Variants in AADAT observed in about 807,000 individuals in gnomAD.
The protein encoded by AADAT is aminoadipate aminotransferase.
AADAT carries 25 observed loss-of-function variants against 56.2 expected under a neutral mutation model. The observed-to-expected ratio is 0.44, with a 90% confidence interval of 0.32 to 0.62. The LOEUF (loss-of-function observed/expected upper bound fraction) is 0.62. Among genes scored for constraint, AADAT ranks in the 20% least tolerant of loss-of-function variants. The pLI is 0.04. For missense variants in AADAT, 387 were observed against 510.5 expected, an observed-to-expected ratio of 0.76 and a Z score of 2.33; for synonymous variants, 173 against 164.7, an observed-to-expected ratio of 1.05 and a Z score of -0.39.
upstream of AADAT, among the ~76,000 whole-genome samples, chr4:170,091,203 C>T (rs545155307): frequency 6.6e-6 from 1 of 152,290 alleles, no homozygotes; most frequent in African/African-American, 2.4e-5. Context: ...CCGGAGCCGG[C>T]TCCCTCAGCC....
intron 11 of AADAT, among the ~76,000 whole-genome samples, chr4:170,064,309 T>A (rs557669596): frequency 6.6e-6 from 1 of 152,200 alleles, no homozygotes; most frequent in Admixed American, 6.5e-5. Context: ...GCTTTACATA[T>A]ATTAACTCAC....
At chr4:170,079,127 G>A (rs948949485) in intron 3 of AADAT, among the ~76,000 whole-genome samples, 6 of 152,130 alleles carry the variant, frequency 3.9e-5, no homozygotes, top group Admixed American at 2.0e-4. Flanking sequence ...AATTAAAAAC[G>A]GTGGTGAGTG....
upstream of AADAT, among the ~76,000 whole-genome samples, chr4:170,092,222 A>G (rs920066684): frequency 6.6e-6 from 1 of 152,264 alleles, no homozygotes; most frequent in South Asian, 2.1e-4. Flanking sequence ...CGCAGTTTGC[A>G]ATAAATCTTG....
At chr4:170,067,272 T>A in intron 9 of AADAT, 55 bp downstream of exon 9, 1 of 1,329,908 alleles carries the variant, frequency 7.5e-7, no homozygotes, top group East Asian at 2.3e-5. Context: ...TGATCTGTAC[T>A]ATGTTCACTG....
chr4:170,071,576 G>A (rs1217165333), intron 5 of AADAT, among the ~76,000 whole-genome samples: 1 of 152,168 alleles, frequency 6.6e-6, no homozygotes, highest in Non-Finnish European at 1.5e-5. Flanking sequence ...ACTGCAAGGA[G>A]AAACCACCGG....
At chr4:170,086,502 A>T (rs778306126) in intron 3 of AADAT, among the ~76,000 whole-genome samples, 4 of 152,106 alleles carry the variant, frequency 2.6e-5, no homozygotes, top group Admixed American at 6.5e-5. Context: ...AGTGGCAAGG[A>T]GAGATTCTAC....
Position 170,073,210 on chromosome 4 carries a change from G to C in AADAT, c.580C>G (p.Leu194Val). The C allele has an allele frequency of 6.2e-7, 1 of 1,614,094 alleles. No homozygotes were observed. The highest frequency in any genetic ancestry group is 8.5e-7 in the Non-Finnish European group (1 of 1,180,002). Residue 194 changes from leucine to valine, a missense_variant, in exon 5 of 13, where the codon CTT (leucine) becomes GTT (valine). Transcript: ENST00000337664. Reference sequence around the variant, plus strand: ...TTGTTGCCATTTGGAACAGTATAAAGAAATTTGGGGGTGTTTTTCTGGGGA... The same window carrying C: ...TTGTTGCCATTTGGAACAGTATAAACAAATTTGGGGGTGTTTTTCTGGGGA... ...KNPQKNTPKF[L>V]YTVPNGNNPT...
rs778456171 is a variant in AADAT at position 170,082,001 on chromosome 4, C to T, written c.370-3418G>A. ...ATTTACCACCACCAGATCCATCTTA[C>T]GAGAAATGCTAAAGGGAGTTCTCCA... On this transcript the variant is annotated intron_variant, in intron 3 of 12. Coordinates refer to ENST00000337664, the MANE Select transcript of AADAT (RefSeq NM_016228.4). Among the ~76,000 whole-genome samples, 6 of 152,090 alleles carry T rather than the reference C, an allele frequency of 3.9e-5. 1 individual carries two copies. Among genetic ancestry groups the T allele is most frequent in the South Asian group, 4.1e-4 (2 of 4,824 alleles).
At chr4:170,091,557 T>C (rs4692790), upstream of AADAT, 17,262 of 153,780 alleles carry the variant, frequency 0.11, 1,136 homozygotes, top group African/African-American at 0.17. Context: ...CCCTGACGAG[T>C]GCCGCCCCCT....
intron 11 of AADAT, among the ~76,000 whole-genome samples, chr4:170,063,400 C>T (rs1043821047): frequency 1.7e-4 from 26 of 152,264 alleles, no homozygotes; most frequent in Admixed American, 4.6e-4. Flanking sequence ...ATATCCTTAG[C>T]GCCTCGCTTA....
intron 3 of AADAT, among the ~76,000 whole-genome samples, chr4:170,083,384 T>C (rs1227357226): frequency 6.6e-6 from 1 of 151,892 alleles, no homozygotes; most frequent in Non-Finnish European, 1.5e-5. Flanking sequence ...GCAAAAACAG[T>C]ACTAAGAGGA....
In AADAT at chr4:170,073,182, G is replaced by T; in HGVS notation, c.608C>A (p.Pro203His). Reference protein sequence around the residue: ...FLYTVPNGNNPTGNSLTSERK... With the variant: ...FLYTVPNGNNHTGNSLTSERK... ...TTCACTGGTTAATGAGTTTCCAGTA[G>T]GGTTGTTGCCATTTGGAACAGTATA... Residue 203 changes from proline (P) to histidine (H), a missense_variant, in exon 5 of 13, where the codon CCT (proline) becomes CAT (histidine). Coordinates refer to ENST00000337664, the MANE Select transcript of AADAT (RefSeq NM_016228.4). 6.2e-7 allele frequency: 1 copy of T among 1,614,122 alleles called. No homozygotes were observed. The highest frequency in any genetic ancestry group is 8.5e-7 in the Non-Finnish European group (1 of 1,180,020).
intron 3 of AADAT, among the ~76,000 whole-genome samples, chr4:170,083,216 A>G (rs1585903): frequency 0.033 from 4,987 of 152,182 alleles, 275 homozygotes; most frequent in African/African-American, 0.11. Flanking sequence ...TAATAAAACT[A>G]GAAATCAATA....
intron 3 of AADAT, among the ~76,000 whole-genome samples, chr4:170,086,606 C>T (rs1405483384): frequency 6.6e-6 from 1 of 152,132 alleles, no homozygotes; most frequent in East Asian, 1.9e-4. Context: ...AATTTCCTAA[C>T]TATAGGCGGA....
Position 170,073,324 on chromosome 4 carries a change from T to A in AADAT, c.466A>T (p.Ile156Phe), listed in dbSNP as rs747749864. The A allele has an allele frequency of 6.2e-7, 1 of 1,613,982 alleles. No individual in the cohort carries two copies. The highest frequency in any genetic ancestry group is 8.5e-7 in the Non-Finnish European group (1 of 1,180,006). The change falls in exon 5 of 13, where the codon ATT (isoleucine) becomes TTT (phenylalanine). Residue 156 changes from isoleucine to phenylalanine, a missense_variant. Ile to Phe is a conservative substitution (Grantham distance 21). Transcript: ENST00000337664. ...CTTTCATCACTGGCAACATTAATAA[T>A]GTTGCAGCCCAGTGGGTGCAGCTGT... ...LQSLHPLGCN[I>F]INVASDESGI...
upstream of AADAT, among the ~76,000 whole-genome samples, chr4:170,093,258 A>G (rs765123638): frequency 4.6e-5 from 7 of 152,138 alleles, no homozygotes; most frequent in Non-Finnish European, 8.8e-5. Context: ...GCAAAACCCC[A>G]TCTCTACTAA....
chr4:170,074,492 T>C (rs1182994618), intron 4 of AADAT, among the ~76,000 whole-genome samples: 2 of 151,958 alleles, frequency 1.3e-5, no homozygotes, highest in Non-Finnish European at 2.9e-5. Flanking sequence ...GAATGTTTTT[T>C]GATAGAGTAA....
intron 4 of AADAT, among the ~76,000 whole-genome samples, chr4:170,078,250 T>C (rs975832143): frequency 6.6e-6 from 1 of 152,172 alleles, no homozygotes; most frequent in Non-Finnish European, 1.5e-5. Flanking sequence ...TTTTGCATAA[T>C]CTAATTTTAA....
intron 8 of AADAT, among the ~76,000 whole-genome samples, chr4:170,068,138 CA>C (rs1217763818): frequency 0.11 from 7,705 of 72,952 alleles, 360 homozygotes; most frequent in East Asian, 0.33. Flanking sequence ...GACTCTGTCT[CA>C]AAAAAAAAAA....
Sources: allele counts gnomAD v4.1 joint callset (sites outside exome capture counted in the v4.1 genomes callset), GRCh38; gene constraint gnomAD v4.1.1; transcripts MANE v1.5; gene names NCBI Gene and HGNC (gene_info 2026-07-23, HGNC 2026-07-21).